The following EFR3B variants were observed in gnomAD, a reference collection of about 807,000 sequenced individuals.
EFR3B encodes EFR3 homolog B.
A neutral mutation model predicts 104.7 loss-of-function variants in EFR3B; 64 were observed. That is an observed-to-expected ratio of 0.61 (90% CI 0.50 to 0.75). The LOEUF is 0.75. Among genes scored for constraint, EFR3B ranks in the 30% least tolerant of loss-of-function variants. The probability of loss-of-function intolerance (pLI) is 0.00; values close to 1 mark genes in which losing one functional copy is unlikely to be tolerated. For synonymous variants in EFR3B, 385 were observed against 417.9 expected (o/e 0.92, Z 0.96); for missense variants, 750 against 1,078.5 (o/e 0.70, Z 4.27).
At chr2:25,099,604 G>T (rs1166503145) in intron 3 of EFR3B, among the ~76,000 whole-genome samples, 1 of 151,612 alleles carries the variant, frequency 6.6e-6, no homozygotes, top group Non-Finnish European at 1.5e-5. Flanking sequence ...TAATTTTCTG[G>T]TTGCTTGGTA....
intron 1 of EFR3B, among the ~76,000 whole-genome samples, chr2:25,076,338 A>G (rs1004132410): frequency 6.6e-6 from 1 of 152,204 alleles, no homozygotes; most frequent in Non-Finnish European, 1.5e-5. Context: ...AGATTTTAAT[A>G]ATAATTATCA....
Position 25,042,473 on chromosome 2 carries a change from G to A in EFR3B, c.7+154G>A. On this transcript the variant is annotated intron_variant, in intron 1 of 22. Transcript: ENST00000403714. The surrounding 1 kb of genome is among the most constrained non-coding windows in gnomAD (Gnocchi z 5.4). ...TGTTGCGGTCGCTCTGTGCGCGCGC[G>A]TCTGCGCTGCGAGGACAAAGATGCC... 1 of 1,206,836 alleles carries A rather than the reference G, an allele frequency of 8.3e-7. No homozygotes were observed. The highest frequency in any genetic ancestry group is 1.0e-6 in the Non-Finnish European group (1 of 972,030). 74.8% of individuals were successfully genotyped at this position (1,206,836 alleles called of 1,614,324 possible).
intron 1 of EFR3B, among the ~76,000 whole-genome samples, chr2:25,078,321 TG>T (rs1668692213): frequency 6.6e-6 from 1 of 152,250 alleles, no homozygotes. Context: ...CCATTAGCCC[TG>T]GGTCAGATTT....
At chr2:25,049,309 A>T (rs1409136463) in intron 1 of EFR3B, among the ~76,000 whole-genome samples, 1 of 152,222 alleles carries the variant, frequency 6.6e-6, no homozygotes, top group Non-Finnish European at 1.5e-5. Context: ...AGTATGAGTT[A>T]TTAACTACTT....
chr2:25,104,045 T>A (rs1313787334), intron 4 of EFR3B, among the ~76,000 whole-genome samples: 1 of 151,900 alleles, frequency 6.6e-6, no homozygotes, highest in Non-Finnish European at 1.5e-5. Flanking sequence ...CTTTCAAGCA[T>A]CCCATTTTAA....
rs76362909 is a variant in EFR3B, at chr2:25,063,770, G to C, written c.7+21451G>C. On this transcript the variant is annotated intron_variant, in intron 1 of 22. Coordinates refer to ENST00000403714, the MANE Select transcript of EFR3B (RefSeq NM_014971.2). ...CAACCGATCCTTTTGATGACAGTGT[G>C]GCAGTAACAGGGTCACCCTCTCCAG... is the stretch of plus-strand genomic sequence containing the variant. 4.7e-3 allele frequency among the ~76,000 whole-genome samples: 714 copies of C among 152,286 alleles called. 2 individuals carry two copies. The highest frequency in any genetic ancestry group is 8.0e-3 in the Non-Finnish European group (547 of 68,022).
At chr2:25,099,062 G>A (rs776108299) in intron 3 of EFR3B, among the ~76,000 whole-genome samples, 2 of 151,974 alleles carry the variant, frequency 1.3e-5, no homozygotes, top group Admixed American at 6.6e-5. Context: ...GGGATGATTC[G>A]TAAGGGAAGA....
At chr2:25,043,568 G>C (rs1372459220) in intron 1 of EFR3B, among the ~76,000 whole-genome samples, 1 of 152,188 alleles carries the variant, frequency 6.6e-6, no homozygotes, top group Non-Finnish European at 1.5e-5. Flanking sequence ...TTGCATTTCT[G>C]ATCCAGGGTG....
In EFR3B at chr2:25,042,303, C is replaced by A; in HGVS notation, c.-10C>A. ...ACGCCGGCCTCTCGAGAGGCGCGCG[C>A]CCCGCCGAGATGTACGGTAAGGAGG... On this transcript the variant is annotated 5_prime_UTR_variant, in exon 1 of 23. Transcript: ENST00000403714. This position sits in a 1 kb window ranked among gnomAD's most constrained non-coding sequence, Gnocchi z 5.4. 1 of 1,293,272 alleles carries A rather than the reference C, an allele frequency of 7.7e-7. No individual in the cohort carries two copies. The highest frequency in any genetic ancestry group is 9.8e-7 in the Non-Finnish European group (1 of 1,022,958). 80.1% of individuals were successfully genotyped at this position (1,293,272 alleles called of 1,614,324 possible). A position where few individuals can be genotyped will look rare whatever the true frequency, so the allele number is the denominator to read the frequency against.
intron 1 of EFR3B, among the ~76,000 whole-genome samples, chr2:25,089,495 A>G (rs1047866545): frequency 1.3e-5 from 2 of 152,104 alleles, no homozygotes; most frequent in African/African-American, 4.8e-5. Context: ...TTCCTGGTTT[A>G]GGGACTATGA....
At chr2:25,138,942 CTT>C (rs1438877716) in intron 15 of EFR3B, 115 bp from the exon 16 acceptor site, 33 of 1,398,916 alleles carry the variant, frequency 2.4e-5, no homozygotes, top group Non-Finnish European at 3.0e-5. Flanking sequence ...CTGAGAAAGA[CTT>C]AGTCTAGGAA....
At chr2:25,100,739 G>A (rs138414455) in intron 3 of EFR3B, among the ~76,000 whole-genome samples, 1,628 of 152,244 alleles carry the variant, frequency 0.011, 23 homozygotes, top group African/African-American at 0.029. Context: ...TGATCTGCCC[G>A]CCTCGGCCTC....
intron 3 of EFR3B, among the ~76,000 whole-genome samples, chr2:25,100,929 C>T (rs539924180): frequency 1.2e-3 from 181 of 152,388 alleles, no homozygotes; most frequent in African/African-American, 4.2e-3. Context: ...GGTCTCCCAT[C>T]TAGCAGGATA....
intron 5 of EFR3B, among the ~76,000 whole-genome samples, chr2:25,125,911 G>C (rs1670155247): frequency 6.6e-6 from 1 of 152,178 alleles, no homozygotes; most frequent in South Asian, 2.1e-4. Flanking sequence ...TCGTGCCTGG[G>C]TGACAGAGCG....
At chr2:25,088,298 C>G (rs779166203) in intron 1 of EFR3B, among the ~76,000 whole-genome samples, 13 of 152,266 alleles carry the variant, frequency 8.5e-5, no homozygotes, top group Non-Finnish European at 1.6e-4. Flanking sequence ...GGTGGCCAGA[C>G]AGGAATGCAG....
intron 5 of EFR3B, among the ~76,000 whole-genome samples, chr2:25,126,092 T>C (rs1390720781): frequency 6.6e-6 from 1 of 152,234 alleles, no homozygotes; most frequent in African/African-American, 2.4e-5. Context: ...AGATCCTCAA[T>C]ACTGCCACAG....
intron 1 of EFR3B, among the ~76,000 whole-genome samples, chr2:25,066,700 G>A (rs1014310725): frequency 6.6e-6 from 1 of 152,190 alleles, no homozygotes; most frequent in African/African-American, 2.4e-5. Flanking sequence ...TAAGGGGACA[G>A]GGACTTGTGC....
intron 1 of EFR3B, among the ~76,000 whole-genome samples, chr2:25,048,273 C>T (rs1430821063): frequency 6.6e-6 from 1 of 152,198 alleles, no homozygotes; most frequent in Non-Finnish European, 1.5e-5. Context: ...CTCAGCCTCC[C>T]AAAGTGCTGG....
At chr2:25,123,822 A>T (rs1203988119) in intron 5 of EFR3B, among the ~76,000 whole-genome samples, 1 of 152,244 alleles carries the variant, frequency 6.6e-6, no homozygotes, top group African/African-American at 2.4e-5. Flanking sequence ...ATGCACACAG[A>T]CACATGTGCA....
Sources: allele counts gnomAD v4.1 joint callset (sites outside exome capture counted in the v4.1 genomes callset), GRCh38; gene constraint gnomAD v4.1.1; non-coding constraint Gnocchi (gnomAD v3.1); transcripts MANE v1.5; gene names NCBI Gene and HGNC (gene_info 2026-07-23, HGNC 2026-07-21).